PEX11G: variants seen among roughly 807,000 people sequenced by gnomAD.
PEX11G encodes the protein peroxisomal membrane protein 11C.
PEX11G carries 20 observed loss-of-function variants against 22.5 expected under a neutral mutation model. The observed-to-expected ratio is 0.89, with a 90% CI of 0.62 to 1.29. PEX11G has a LOEUF of 1.29. PEX11G is among the 50% of genes most tolerant of loss of function. The pLI is 0.00. For missense variants in PEX11G, 347 were observed against 331.3 expected, an observed-to-expected ratio of 1.05 and a Z score of -0.37; for synonymous variants, 141 against 154.5, an observed-to-expected ratio of 0.91 and a Z score of 0.65.
chr19:7,492,576 G>T (rs543949495), upstream of PEX11G, among the ~76,000 whole-genome samples: 2 of 152,114 alleles, frequency 1.3e-5, no homozygotes, highest in African/African-American at 4.8e-5. Context: ...CAAATAGCTG[G>T]GATTACAGCA....
At chr19:7,494,686 G>T (rs2021946738) in intron 1 of PEX11G, among the ~76,000 whole-genome samples, 1 of 152,182 alleles carries the variant, frequency 6.6e-6, no homozygotes, top group African/African-American at 2.4e-5. Flanking sequence ...GGTGTTCACA[G>T]CTGGCCTTGG....
chr19:7,484,279 G>A (rs765136323), intron 2 of PEX11G, among the ~76,000 whole-genome samples: 6 of 151,970 alleles, frequency 3.9e-5, no homozygotes, highest in South Asian at 2.1e-4. Flanking sequence ...ACCTGAGCCC[G>A]GGAAGTCAAG....
At chr19:7,489,045 C>T, upstream of PEX11G, 1 of 1,489,938 alleles carries the variant, frequency 6.7e-7, no homozygotes, top group Non-Finnish European at 8.9e-7. Flanking sequence ...CGTCGGCGCG[C>T]CGCGCCAGGG....
At chr19:7,488,397 G>A (rs777718601) in intron 1 of PEX11G, among the ~76,000 whole-genome samples, 38 of 152,332 alleles carry the variant, frequency 2.5e-4, no homozygotes, top group Non-Finnish European at 4.1e-4. Context: ...CCCAACACGA[G>A]ATTGTTCAGG....
chr19:7,492,118 A>G (rs1232805760), upstream of PEX11G, among the ~76,000 whole-genome samples: 3 of 152,218 alleles, frequency 2.0e-5, no homozygotes, highest in Non-Finnish European at 4.4e-5. Context: ...GCGATCGTGA[A>G]TAAGTACAGC....
chr19:7,489,145 C>G (rs2021813246), upstream of PEX11G: 7 of 1,210,602 alleles, frequency 5.8e-6, no homozygotes, highest in Non-Finnish European at 6.5e-6. Context: ...GGCTTTTTGT[C>G]CGCTGTAGGG....
chr19:7,482,953 TTCTTAATC>T (rs1377077706), intron 2 of PEX11G, among the ~76,000 whole-genome samples: 1 of 152,114 alleles, frequency 6.6e-6, no homozygotes, highest in Non-Finnish European at 1.5e-5. Flanking sequence ...CTGCCCCAAG[TTCTTAATC>T]ACACGGCCTA....
chr19:7,479,346 T>G (rs1351251086), intron 3 of PEX11G, among the ~76,000 whole-genome samples: 1 of 151,652 alleles, frequency 6.6e-6, no homozygotes, highest in African/African-American at 2.4e-5. Context: ...TAGCTGGGGG[T>G]GGTGGTGGGC....
intron 2 of PEX11G, among the ~76,000 whole-genome samples, chr19:7,482,603 C>G (rs773727827): frequency 1.3e-5 from 2 of 152,226 alleles, no homozygotes; most frequent in South Asian, 4.1e-4. Flanking sequence ...GTTGGGAGCC[C>G]TGTGTCAGAG....
intron 1 of PEX11G, among the ~76,000 whole-genome samples, chr19:7,486,687 C>T (rs1419980354): frequency 6.6e-6 from 1 of 151,934 alleles, no homozygotes; most frequent in Non-Finnish European, 1.5e-5. Context: ...GCAAGCTCCA[C>T]CTCCCGGGTT....
chr19:7,485,175 T>G (rs898084973), intron 2 of PEX11G, among the ~76,000 whole-genome samples: 22 of 136,042 alleles, frequency 1.6e-4, no homozygotes, highest in African/African-American at 6.2e-4. Flanking sequence ...ATTTTTTTTG[T>G]TTGTTTTATT....
chr19:7,490,238 T>C (rs1568385177), upstream of PEX11G, among the ~76,000 whole-genome samples: 1 of 148,478 alleles, frequency 6.7e-6, no homozygotes, highest in Non-Finnish European at 1.5e-5. Context: ...GCAGGAGTTA[T>C]ATAAGCTATA....
upstream of PEX11G, among the ~76,000 whole-genome samples, chr19:7,490,699 C>T (rs1049383493): frequency 8.3e-6 from 1 of 120,492 alleles, no homozygotes; most frequent in Non-Finnish European, 1.6e-5. Context: ...CTGGGAGGAA[C>T]CAAATTTGTA....
intron 1 of PEX11G, 91 bp downstream of exon 1, chr19:7,488,859 TG>T: frequency 7.4e-7 from 1 of 1,353,710 alleles, no homozygotes; most frequent in Non-Finnish European, 1.0e-6. Context: ...CGGAGTATCC[TG>T]GGCGACCCCG....
At chr19:7,492,501 T>TG (rs1337007148), upstream of PEX11G, among the ~76,000 whole-genome samples, 1 of 152,108 alleles carries the variant, frequency 6.6e-6, no homozygotes, top group African/African-American at 2.4e-5. Flanking sequence ...TGGAGTGCAG[T>TG]GCTGATCTCA....
At chr19:7,477,502 A>C in intron 4 of PEX11G, 66 bp from the exon 5 acceptor site, 2 of 1,289,904 alleles carry the variant, frequency 1.6e-6, no homozygotes, top group Non-Finnish European at 1.0e-6. Flanking sequence ...AAGCCCCTGA[A>C]TGCCCTGTGT....
intron 3 of PEX11G, among the ~76,000 whole-genome samples, chr19:7,481,132 T>C (rs1356788456): frequency 6.6e-6 from 1 of 152,100 alleles, no homozygotes; most frequent in African/African-American, 2.4e-5. Context: ...TTCTAAAATG[T>C]CCATGTCCTG....
intron 4 of PEX11G, 73 bp downstream of exon 4, chr19:7,478,241 G>A (rs2145947182): frequency 6.6e-7 from 1 of 1,505,174 alleles, no homozygotes; most frequent in Non-Finnish European, 9.1e-7. Flanking sequence ...CCTGCACAGG[G>A]GTGGCTGCGA....
upstream of PEX11G, among the ~76,000 whole-genome samples, chr19:7,491,945 A>G (rs2145986097): frequency 6.6e-6 from 1 of 152,332 alleles, no homozygotes; most frequent in East Asian, 1.9e-4. Flanking sequence ...GGTGTGAGCC[A>G]CTGCGTGCAG....
Sources: gnomAD v4.1 joint callset for allele counts (sites outside exome capture counted in the v4.1 genomes callset) on GRCh38, gnomAD v4.1.1 for gene constraint, MANE v1.5 for transcripts, NCBI Gene and HGNC (gene_info 2026-07-23, HGNC 2026-07-21) for gene names.